Variants in TMEM38B observed in about 807,000 individuals in gnomAD.
The protein encoded by TMEM38B is transmembrane protein 38B.
TMEM38B carries 24 observed loss-of-function variants against 28.7 expected under a neutral mutation model. The ratio of observed to expected loss-of-function variants is 0.84; its 90% CI spans 0.61 to 1.18. The LOEUF (loss-of-function observed/expected upper bound fraction) is 1.18. Among genes scored for constraint, TMEM38B ranks in the 50% most tolerant of loss-of-function variants. The pLI is 0.00. For synonymous variants in TMEM38B, 131 were observed against 127.7 expected, an observed-to-expected ratio of 1.03 and a Z score of -0.17; for missense variants, 380 against 350.9, an observed-to-expected ratio of 1.08 and a Z score of -0.66.
At chr9:105,761,377 T>G (rs778342892) in intron 5 of TMEM38B, among the ~76,000 whole-genome samples, 1 of 152,190 alleles carries the variant, frequency 6.6e-6, no homozygotes, top group Non-Finnish European at 1.5e-5. Context: ...AATATATATA[T>G]GTTTTGAATT....
intron 5 of TMEM38B, among the ~76,000 whole-genome samples, chr9:105,770,683 G>A (rs1826516340): frequency 6.6e-6 from 1 of 152,112 alleles, no homozygotes; most frequent in Non-Finnish European, 1.5e-5. Flanking sequence ...AATATGCCAT[G>A]TGCCGTTAGG....
At chr9:105,737,068 G>C (rs996423953) in intron 4 of TMEM38B, among the ~76,000 whole-genome samples, 2 of 152,242 alleles carry the variant, frequency 1.3e-5, no homozygotes, top group Non-Finnish European at 2.9e-5. Flanking sequence ...GGCAGTCACA[G>C]CAGTGCTGGG....
At chr9:105,708,720 CT>C (rs1835772805) in intron 2 of TMEM38B, among the ~76,000 whole-genome samples, 1 of 152,030 alleles carries the variant, frequency 6.6e-6, no homozygotes, top group African/African-American at 2.4e-5. Flanking sequence ...TCTTTTTTTC[CT>C]CAGAAGTCTC....
chr9:105,727,133 C>T (rs900704451), intron 4 of TMEM38B, among the ~76,000 whole-genome samples: 1 of 152,090 alleles, frequency 6.6e-6, no homozygotes, highest in Non-Finnish European at 1.5e-5. Context: ...AATTAGCTAT[C>T]GTCCTTGTGT....
At chr9:105,713,957 C>T (rs768604590) in intron 2 of TMEM38B, among the ~76,000 whole-genome samples, 6 of 108,036 alleles carry the variant, frequency 5.6e-5, no homozygotes, top group Non-Finnish European at 8.7e-5. Context: ...TGGGGATGAC[C>T]AGCTGCAGGG....
At chr9:105,728,605 G>A (rs1340381040) in intron 4 of TMEM38B, among the ~76,000 whole-genome samples, 1 of 152,156 alleles carries the variant, frequency 6.6e-6, no homozygotes, top group Non-Finnish European at 1.5e-5. Flanking sequence ...TATATACCCA[G>A]TAATGGGATG....
At chr9:105,730,809 C>G (rs1000871205) in intron 4 of TMEM38B, among the ~76,000 whole-genome samples, 2 of 152,026 alleles carry the variant, frequency 1.3e-5, no homozygotes, top group East Asian at 3.9e-4. Context: ...TGTATGTGTC[C>G]AGGAATTTAT....
chr9:105,736,039 A>G (rs375578507), intron 4 of TMEM38B, among the ~76,000 whole-genome samples: 16 of 148,540 alleles, frequency 1.1e-4, no homozygotes, highest in African/African-American at 4.1e-4. Context: ...CTGACTAACT[A>G]AAACACATTT....
chr9:105,732,721 A>G (rs915830961), intron 4 of TMEM38B, among the ~76,000 whole-genome samples: 3 of 152,124 alleles, frequency 2.0e-5, no homozygotes, highest in Admixed American at 6.5e-5. Flanking sequence ...GCCTTGTAGT[A>G]TAGTTTGAAG....
intron 5 of TMEM38B, chr9:105,759,357 CT>C: frequency 8.0e-7 from 1 of 1,250,320 alleles, no homozygotes; most frequent in South Asian, 1.3e-5. Flanking sequence ...GTGCCTTCTT[CT>C]CAGTCTGCTT....
chr9:105,744,692 C>T (rs112420568), intron 4 of TMEM38B, among the ~76,000 whole-genome samples: 7,661 of 151,914 alleles, frequency 0.05, 551 homozygotes, highest in African/African-American at 0.16. Flanking sequence ...CCCATTAACT[C>T]GTCATTTAAC....
chr9:105,702,581 T>G (rs1306485500), intron 1 of TMEM38B: 1 of 152,176 alleles, frequency 6.6e-6, no homozygotes, highest in Admixed American at 6.5e-5. Flanking sequence ...TTGCCAGAAT[T>G]TGGGATTATT....
At chr9:105,752,291 C>T (rs1006493329) in intron 5 of TMEM38B, among the ~76,000 whole-genome samples, 1 of 152,152 alleles carries the variant, frequency 6.6e-6, no homozygotes, top group Admixed American at 6.5e-5. Context: ...AGGAAGGTCT[C>T]CCCCAGTGCA....
intron 5 of TMEM38B, among the ~76,000 whole-genome samples, chr9:105,765,512 C>G (rs1465586297): frequency 6.6e-6 from 1 of 152,200 alleles, no homozygotes; most frequent in Non-Finnish European, 1.5e-5. Context: ...ATCCCAGCCA[C>G]TACCCATAGC....
intron 4 of TMEM38B, among the ~76,000 whole-genome samples, chr9:105,735,376 A>C (rs926500565): frequency 2.0e-5 from 3 of 152,206 alleles, no homozygotes; most frequent in Admixed American, 2.0e-4. Flanking sequence ...AGTTACTTCT[A>C]GTGGTGAATT....
rs1008348398 is a variant in TMEM38B, at chr9:105,775,611, T to G, written c.*1531T>G. 7 of 152,112 alleles carry G rather than the reference T, an allele frequency of 4.6e-5. No homozygotes were observed. Among genetic ancestry groups the G allele is most frequent in the African/African-American group, 1.7e-4 (7 of 41,454 alleles). The allele number at this position is 152,112 out of a possible 1,614,324, so 9.4% of individuals were successfully genotyped here. A position where few individuals can be genotyped will look rare whatever the true frequency, so the allele number is the denominator to read the frequency against. ...GTCTTGGAATGCTAAGAAGTTTTAT[T>G]TTTAATATTGTGACAGAAAGCTTTA... On this transcript the variant is annotated 3_prime_UTR_variant, in exon 6 of 6. Coordinates refer to ENST00000374692, the MANE Select transcript of TMEM38B (RefSeq NM_018112.3).
chr9:105,751,967 T>TCAGGC (rs1419676100), intron 5 of TMEM38B, among the ~76,000 whole-genome samples: 1 of 152,040 alleles, frequency 6.6e-6, no homozygotes, highest in African/African-American at 2.4e-5. Context: ...GCCATTTTTG[T>TCAGGC]GGTTTGGTAG....
chr9:105,724,175 G>A (rs1321565000), intron 4 of TMEM38B, among the ~76,000 whole-genome samples: 1 of 152,156 alleles, frequency 6.6e-6, no homozygotes, highest in Non-Finnish European at 1.5e-5. Flanking sequence ...CGTTTCTCAT[G>A]TACCTAAAAA....
chr9:105,726,334 A>G (rs1836512158), intron 4 of TMEM38B, among the ~76,000 whole-genome samples: 1 of 152,154 alleles, frequency 6.6e-6, no homozygotes, highest in Non-Finnish European at 1.5e-5. Flanking sequence ...ATACAGTTGT[A>G]TAAAAATATT....
Sources: gnomAD v4.1 joint callset for allele counts (sites outside exome capture counted in the v4.1 genomes callset) on GRCh38, gnomAD v4.1.1 for gene constraint, MANE v1.5 for transcripts, NCBI Gene and HGNC (gene_info 2026-07-23, HGNC 2026-07-21) for gene names.